NRXN3: variants seen among roughly 807,000 people sequenced by gnomAD.
NRXN3 encodes the protein neurexin III.
A neutral mutation model predicts 137.6 loss-of-function variants in NRXN3; 32 were observed. That is an observed-to-expected ratio of 0.23 (90% CI 0.18 to 0.31). NRXN3 has a LOEUF of 0.31. Among genes scored for constraint, NRXN3 ranks in the 10% least tolerant of loss-of-function variants. The probability of loss-of-function intolerance (pLI) is 1.00; values close to 1 mark genes in which losing one functional copy is unlikely to be tolerated. For synonymous variants in NRXN3, 798 were observed against 784.5 expected (o/e 1.02, Z -0.29); for missense variants, 1,574 against 2,062.5 (o/e 0.76, Z 4.59).
chr14:78,474,732 A>G (rs898443120), intron 4 of NRXN3, among the ~76,000 whole-genome samples: 1 of 152,238 alleles, frequency 6.6e-6, no homozygotes, highest in Non-Finnish European at 1.5e-5. Context: ...AAGGGCTACT[A>G]GAAAGGCAGA....
intron 6 of NRXN3, among the ~76,000 whole-genome samples, chr14:78,705,578 G>A (rs1025124588): frequency 1.3e-5 from 2 of 152,122 alleles, no homozygotes; most frequent in Non-Finnish European, 2.9e-5. Context: ...GAAGATATAG[G>A]ATTATTTCTT....
intron 16 of NRXN3, among the ~76,000 whole-genome samples, chr14:79,657,136 T>C (rs2098510253): frequency 6.6e-6 from 1 of 152,200 alleles, no homozygotes; most frequent in Admixed American, 6.5e-5. Context: ...TTTCTCTTAA[T>C]AAGTACTATT....
chr14:79,402,939 A>C (rs892211164), intron 15 of NRXN3, among the ~76,000 whole-genome samples: 25 of 152,224 alleles, frequency 1.6e-4, no homozygotes, highest in African/African-American at 5.8e-4. Context: ...ATAAAGCAGA[A>C]GTAATTATAC....
In NRXN3 at chr14:78,756,478, G is replaced by A. The variant is rs543301387; in HGVS notation, c.2044+41339G>A. ...ACTTGGCTCTGTACAAGATCAGCCT[G>A]GGTGACAGAGCCTGGGTGGCTCTGA... On this transcript the variant is annotated intron_variant, in intron 8 of 20. Coordinates refer to ENST00000335750, the MANE Select transcript of NRXN3 (RefSeq NM_001330195.2). Among the ~76,000 whole-genome samples the A allele has an allele frequency of 5.9e-5, 9 of 151,338 alleles. 1 individual carries two copies. In the South Asian group the frequency reaches 1.9e-3, roughly 32 times the overall value.
chr14:78,814,015 TATG>T (rs929261341), intron 10 of NRXN3, among the ~76,000 whole-genome samples: 1 of 152,204 alleles, frequency 6.6e-6, no homozygotes, highest in African/African-American at 2.4e-5. Context: ...TCATGGTATC[TATG>T]ATATATTCAT....
At chr14:79,071,940 T>C (rs1409486390) in intron 15 of NRXN3, among the ~76,000 whole-genome samples, 1 of 152,192 alleles carries the variant, frequency 6.6e-6, no homozygotes, top group Non-Finnish European at 1.5e-5. Flanking sequence ...CATAAATATG[T>C]ACACCTACTA....
chr14:79,441,680 GACAA>G (rs2095961726), intron 15 of NRXN3, among the ~76,000 whole-genome samples: 1 of 151,692 alleles, frequency 6.6e-6, no homozygotes. Flanking sequence ...ACACCCGACC[GACAA>G]ACAGAAAATC....
intron 4 of NRXN3, among the ~76,000 whole-genome samples, chr14:78,337,348 G>A (rs2081593118): frequency 6.6e-6 from 1 of 152,168 alleles, no homozygotes; most frequent in Non-Finnish European, 1.5e-5. Context: ...CTGGAGCAAA[G>A]AGCTGCTCAC....
At chr14:79,362,107 G>A (rs978789195) in intron 15 of NRXN3, among the ~76,000 whole-genome samples, 6 of 149,230 alleles carry the variant, frequency 4.0e-5, no homozygotes, top group Admixed American at 1.3e-4. Context: ...TTACAGGCGC[G>A]GGCCACCATG....
intron 8 of NRXN3, chr14:78,753,622 A>C (rs2098653821): frequency 2.0e-5 from 3 of 152,362 alleles, no homozygotes; most frequent in South Asian, 4.1e-4. Context: ...TAAGTACTGC[A>C]TGTGATACAT....
intron 15 of NRXN3, among the ~76,000 whole-genome samples, chr14:79,130,621 T>C (rs2057324245): frequency 6.6e-6 from 1 of 152,184 alleles, no homozygotes; most frequent in African/African-American, 2.4e-5. Context: ...ATTTTTTCCA[T>C]CATTTCAACT....
intron 16 of NRXN3, among the ~76,000 whole-genome samples, chr14:79,568,311 G>C (rs1026213145): frequency 6.6e-6 from 1 of 152,158 alleles, no homozygotes; most frequent in Non-Finnish European, 1.5e-5. Context: ...GGAAATCACT[G>C]AGTTGAAACT....
chr14:78,634,617 T>C (rs564076958), intron 4 of NRXN3, among the ~76,000 whole-genome samples: 1 of 152,212 alleles, frequency 6.6e-6, no homozygotes, highest in Non-Finnish European at 1.5e-5. Context: ...ATCACTCAGA[T>C]TGAACAAATC....
chr14:78,578,952 A>G (rs1451743694), intron 4 of NRXN3, among the ~76,000 whole-genome samples: 1 of 150,624 alleles, frequency 6.6e-6, no homozygotes, highest in African/African-American at 2.5e-5. Context: ...CAGAAAAGAA[A>G]AAAGAAAAAA....
At chr14:78,862,499 A>G (rs1233773804) in intron 10 of NRXN3, among the ~76,000 whole-genome samples, 5 of 152,094 alleles carry the variant, frequency 3.3e-5, no homozygotes, top group African/African-American at 1.2e-4. Context: ...ACTTGGATAA[A>G]TGGTAAATTG....
At chr14:79,637,732 T>C (rs1178744998) in intron 16 of NRXN3, among the ~76,000 whole-genome samples, 1 of 133,698 alleles carries the variant, frequency 7.5e-6, no homozygotes, top group Non-Finnish European at 1.5e-5. Context: ...AAAAGTTCTT[T>C]TTTTTTTTTT....
At chr14:78,204,635 T>G (rs994592565) in intron 1 of NRXN3, among the ~76,000 whole-genome samples, 1 of 151,900 alleles carries the variant, frequency 6.6e-6, no homozygotes, top group Non-Finnish European at 1.5e-5. Context: ...CTATGTATAT[T>G]ATGATCTAAA....
At chr14:78,238,724 G>T (rs561809526) in intron 1 of NRXN3, among the ~76,000 whole-genome samples, 1 of 152,240 alleles carries the variant, frequency 6.6e-6, no homozygotes, top group East Asian at 1.9e-4. Context: ...TTCTGCCTGT[G>T]GGAAAGAAAG....
intron 15 of NRXN3, among the ~76,000 whole-genome samples, chr14:79,132,578 G>A (rs2152968258): frequency 6.6e-6 from 1 of 152,144 alleles, no homozygotes; most frequent in Admixed American, 6.5e-5. Context: ...TATTTGCTTT[G>A]CATTATATTC....
Sources: allele counts gnomAD v4.1 joint callset (sites outside exome capture counted in the v4.1 genomes callset), GRCh38; gene constraint gnomAD v4.1.1; transcripts MANE v1.5; gene names NCBI Gene and HGNC (gene_info 2026-07-23, HGNC 2026-07-21).